Variants in CCDC57 observed in about 807,000 individuals in gnomAD.
The protein encoded by CCDC57 is coiled-coil domain containing 57, also known as coiled-coil domain-containing protein 57.
CCDC57 carries 118 observed loss-of-function variants against 118.9 expected under a neutral mutation model. The ratio of observed to expected loss-of-function variants is 0.99; its 90% CI spans 0.86 to 1.16. CCDC57 has a LOEUF of 1.16. Ranked by LOEUF, CCDC57 falls within the 50% of genes most tolerant of loss-of-function variation. The pLI is 0.00. For missense variants in CCDC57, 1,300 were observed against 1,320.7 expected (o/e 0.98, Z 0.24); for synonymous variants, 527 against 532.9 (o/e 0.99, Z 0.15).
At chr17:82,113,784 AC>A in intron 19 of CCDC57, 1 of 648,980 alleles carries the variant, frequency 1.5e-6, no homozygotes, top group Non-Finnish European at 2.8e-6. Context: ...AAATAAAATA[AC>A]ATGTAAAAAG....
chr17:82,136,561 C>T (rs1028590814), intron 16 of CCDC57, among the ~76,000 whole-genome samples: 133 of 137,400 alleles, frequency 9.7e-4, no homozygotes, highest in Non-Finnish European at 1.8e-3. Flanking sequence ...TTCAACAGTA[C>T]ATTTTATATG....
intron 13 of CCDC57, 124 bp downstream of exon 12, chr17:82,171,577 G>A: frequency 2.0e-6 from 2 of 1,014,468 alleles, no homozygotes; most frequent in Non-Finnish European, 2.8e-6. Context: ...CTGCTGGGCT[G>A]GATGACGCCG....
At chr17:82,161,423 C>T (rs528353453) in intron 14 of CCDC57, among the ~76,000 whole-genome samples, 3 of 152,306 alleles carry the variant, frequency 2.0e-5, no homozygotes, top group African/African-American at 7.2e-5. Flanking sequence ...GAGAACTGAA[C>T]TCTGCATAAG....
chr17:82,144,993 CA>C (rs1215649585), intron 16 of CCDC57, among the ~76,000 whole-genome samples: 10 of 150,776 alleles, frequency 6.6e-5, no homozygotes, highest in Non-Finnish European at 1.3e-4. Flanking sequence ...ATTGGCCCTC[CA>C]AATCAATTTT....
At chr17:82,129,207 C>A (rs1479808813) in intron 17 of CCDC57, among the ~76,000 whole-genome samples, 1 of 152,176 alleles carries the variant, frequency 6.6e-6, no homozygotes, top group Non-Finnish European at 1.5e-5. Context: ...GTGTGAGCCA[C>A]CACGCCTGAC....
chr17:82,202,771 A>T (rs1233425661), intron 2 of CCDC57, among the ~76,000 whole-genome samples: 1 of 152,044 alleles, frequency 6.6e-6, no homozygotes, highest in Non-Finnish European at 1.5e-5. Flanking sequence ...AAAATAAATT[A>T]AAAAAAAGAA....
At chr17:82,107,764 G>T (rs556095906) in intron 19 of CCDC57, 1 of 374,822 alleles carries the variant, frequency 2.7e-6, no homozygotes, top group African/African-American at 2.1e-5. Flanking sequence ...GTCGTGGACC[G>T]GCGTCCACCT....
At chr17:82,194,398 C>T (rs996077256) in intron 5 of CCDC57, 3 of 342,408 alleles carry the variant, frequency 8.8e-6, no homozygotes, top group Non-Finnish European at 5.3e-6. Flanking sequence ...GCAACCTCCC[C>T]CTCCTGGGTT....
At chr17:82,134,020 C>T in intron 17 of CCDC57, 53 bp downstream of exon 16, 1 of 1,314,710 alleles carries the variant, frequency 7.6e-7, no homozygotes, top group Non-Finnish European at 9.7e-7. Flanking sequence ...ATGAAAACGA[C>T]ACAATTAGGG....
intron 16 of CCDC57, among the ~76,000 whole-genome samples, chr17:82,140,817 A>T (rs1189069387): frequency 6.6e-6 from 1 of 152,082 alleles, no homozygotes. Context: ...GGCTTGTAGG[A>T]TGGCAGGTGC....
chr17:82,150,117 G>A (rs2145807543), intron 16 of CCDC57, among the ~76,000 whole-genome samples: 1 of 129,142 alleles, frequency 7.7e-6, no homozygotes, highest in Non-Finnish European at 1.7e-5. Context: ...CCAGAACCAG[G>A]CGCACACCCA....
At chr17:82,196,076 G>A (rs2048265172) in intron 4 of CCDC57, among the ~76,000 whole-genome samples, 1 of 152,204 alleles carries the variant, frequency 6.6e-6, no homozygotes, top group Non-Finnish European at 1.5e-5. Flanking sequence ...TCACGGCCCA[G>A]CCAGAAACTC....
rs776885930 is a variant in CCDC57 at position 82,201,727 on chromosome 17, C to G, written c.218G>C (p.Arg73Pro). The stretch of plus-strand genomic sequence containing the variant: ...GGCCTGGGCGAAGGCGGCGTCATAG[C>G]GCTCCAGCTCGAGGTCCCGCTCCTC... The change falls in exon 3 of 20, where the codon CGC becomes CCC. Residue 73 changes from arginine (R) to proline (P), a missense_variant. Coordinates refer to ENST00000665763, the Ensembl canonical transcript of CCDC57. 8.1e-6 allele frequency: 13 copies of G among 1,613,854 alleles called. No homozygotes were observed. The East Asian group carries it at 2.2e-4, about 28-fold the overall frequency.
Position 82,186,423 on chromosome 17 carries a change from G to A in CCDC57, c.1052+1796C>T, listed in dbSNP as rs991168921. 5.3e-4 allele frequency among the ~76,000 whole-genome samples: 80 copies of A among 152,220 alleles called. 1 individual carries two copies. The highest frequency in any genetic ancestry group is 1.8e-3 in the African/African-American group (73 of 41,522). ...CTACATGGAAAATGGAAGCACCTGCGGCCCCTCTCACCCCGTATACCGACC... is the reference window on the plus strand; with the variant it reads ...CTACATGGAAAATGGAAGCACCTGCAGCCCCTCTCACCCCGTATACCGACC... On this transcript the variant is annotated intron_variant, in intron 8 of 19. Transcript: ENST00000665763.
At position 82,172,911 on chromosome 17, in the gene CCDC57, T is replaced by C. The variant is rs1025786586; in HGVS notation, c.1507-51A>G. The C allele has an allele frequency of 9.3e-6, 14 of 1,502,096 alleles. No individual in the cohort carries two copies. The highest frequency in any genetic ancestry group is 3.7e-4 in the Middle Eastern group (2 of 5,478). The allele number at this position is 1,502,096 out of a possible 1,614,324, so 93.0% of individuals were successfully genotyped here. A position where few individuals can be genotyped will look rare whatever the true frequency, so the allele number is the denominator to read the frequency against. On this transcript the variant is annotated intron_variant, in intron 11 of 19. Coordinates refer to ENST00000665763, the Ensembl canonical transcript of CCDC57. This position sits in a 1 kb window ranked among gnomAD's most constrained non-coding sequence, Gnocchi z 5.2. Reference sequence around the variant, plus strand: ...ACAAAAAGATGAATGGTTCCCCAGCTTGTCCTGACAGGCTGTGCCTCCGCT... The same window carrying C: ...ACAAAAAGATGAATGGTTCCCCAGCCTGTCCTGACAGGCTGTGCCTCCGCT...
At chr17:82,125,109 C>T (rs1055374634) in intron 19 of CCDC57, among the ~76,000 whole-genome samples, 9 of 152,050 alleles carry the variant, frequency 5.9e-5, no homozygotes, top group South Asian at 4.1e-4. Flanking sequence ...CTGGAGCACA[C>T]GGGGAACGGA....
At chr17:82,144,653 G>C (rs1256684025) in intron 16 of CCDC57, among the ~76,000 whole-genome samples, 1 of 152,126 alleles carries the variant, frequency 6.6e-6, no homozygotes, top group Non-Finnish European at 1.5e-5. Flanking sequence ...TAAAATGTGA[G>C]CAAAAGTTAT....
chr17:82,171,642 A>G, intron 13 of CCDC57, 59 bp downstream of exon 12: 1 of 1,562,644 alleles, frequency 6.4e-7, no homozygotes, highest in Admixed American at 1.8e-5. Context: ...GGACTTTTGC[A>G]GGGGTCAGAT....
intron 16 of CCDC57, among the ~76,000 whole-genome samples, chr17:82,148,393 A>T (rs1436502414): frequency 3.4e-4 from 1 of 2,978 alleles, no homozygotes; most frequent in Non-Finnish European, 5.8e-4. Flanking sequence ...GAATGGATGA[A>T]TGGGTGGGTG....
Sources: allele counts gnomAD v4.1 joint callset (sites outside exome capture counted in the v4.1 genomes callset), GRCh38; gene constraint gnomAD v4.1.1; non-coding constraint Gnocchi (gnomAD v3.1); transcripts MANE v1.5; gene names NCBI Gene and HGNC (gene_info 2026-07-23, HGNC 2026-07-21).